EHBP1L1: variants seen among roughly 807,000 people sequenced by gnomAD.
The protein encoded by EHBP1L1 is EH domain-binding protein 1-like protein 1.
A neutral mutation model predicts 151.1 loss-of-function variants in EHBP1L1; 122 were observed. That is an observed-to-expected ratio of 0.81 (90% CI 0.70 to 0.94). EHBP1L1 has a LOEUF of 0.94. Ranked by LOEUF, EHBP1L1 falls within the 40% of genes least tolerant of loss-of-function variation. EHBP1L1 has a pLI of 0.00. For synonymous variants in EHBP1L1, 878 were observed against 810.1 expected, an observed-to-expected ratio of 1.08 and a Z score of -1.42; for missense variants, 1,941 against 1,959.8, an observed-to-expected ratio of 0.99 and a Z score of 0.18.
chr11:65,588,589 C>T (rs866220118), intron 12 of EHBP1L1, among the ~76,000 whole-genome samples: 6 of 152,160 alleles, frequency 3.9e-5, no homozygotes, highest in African/African-American at 7.2e-5. Context: ...GGAGTGGACA[C>T]GGGCAGGTCA....
chr11:65,581,489 G>C (rs1857607558), intron 8 of EHBP1L1, 50 bp from the exon 9 acceptor site: 1 of 1,424,958 alleles, frequency 7.0e-7, no homozygotes, highest in Non-Finnish European at 9.3e-7. Flanking sequence ...ATGGTGCTGA[G>C]AGTTGGGGCC....
Position 65,582,074 on chromosome 11 carries a change from G to T in EHBP1L1, c.1402G>T (p.Val468Phe), listed in dbSNP as rs753417724. 6.2e-7 allele frequency: 1 copy of T among 1,611,886 alleles called. No individual in the cohort carries two copies. The highest frequency in any genetic ancestry group is 8.5e-7 in the Non-Finnish European group (1 of 1,179,200). Residue 468 changes from valine to phenylalanine, a missense_variant, in exon 9 of 19, where the codon GTC (valine) becomes TTC (phenylalanine). Transcript: ENST00000309295. ...AAGGGGCTCTCAGGGGAGGCTGGGA[G>T]TCAGGACCAGGGATGAGGCTCCCTC... is the stretch of plus-strand genomic sequence containing the variant. The part of the protein sequence containing the change: ...PPRGSQGRLG[V>F]RTRDEAPSGL...
intron 16 of EHBP1L1, 177 bp from the exon 17 acceptor site, chr11:65,591,623 G>A (rs747139927): frequency 4.7e-6 from 3 of 644,868 alleles, no homozygotes; most frequent in Admixed American, 2.4e-5. Context: ...GAAAACAGAA[G>A]AAAAGCGATA....
At chr11:65,577,515 C>T (rs890016180) in intron 1 of EHBP1L1, among the ~76,000 whole-genome samples, 13 of 152,182 alleles carry the variant, frequency 8.5e-5, no homozygotes, top group Admixed American at 6.5e-5. Flanking sequence ...CTGAGGGTGC[C>T]GGCAGTGTCA....
In EHBP1L1 at chr11:65,580,249, G is replaced by A. The variant is rs1238121953; in HGVS notation, c.481G>A (p.Gly161Ser). Residue 161 changes from glycine (G) to serine (S), a missense_variant, in exon 5 of 19, where the codon GGC becomes AGC. Gly to Ser is a moderately conservative substitution (Grantham distance 56). Coordinates refer to ENST00000309295, the MANE Select transcript of EHBP1L1 (RefSeq NM_001099409.3). ...TCTTTCCGGGGTGCTGCTGCGGGAG[G>A]GCCGTGCCACGTGAGTGCCTACCTG... ...LTLSGVLLRE[G>S]RATDDDMQSL... 6.2e-7 allele frequency: 1 copy of A among 1,613,462 alleles called. No homozygotes were observed. The highest frequency in any genetic ancestry group is 8.5e-7 in the Non-Finnish European group (1 of 1,179,756).
In EHBP1L1 at chr11:65,583,750, G is replaced by A. The variant is rs1267101122; in HGVS notation, c.3078G>A (p.Arg1026=). 5 of 1,496,640 alleles carry A rather than the reference G, an allele frequency of 3.3e-6. No individual in the cohort carries two copies. The East Asian group carries it at 1.2e-4, about 37-fold the overall frequency. The allele number at this position is 1,496,640 out of a possible 1,614,324, so 92.7% of individuals were successfully genotyped here. ...CAGAGAAGGCTGAAGAGGACAGGAG[G>A]CTGCCGGGCAGCCAGGTAGGGATGG... ...SSPEKAEEDR[R]LPGSQAPPAL... is the part of the protein sequence containing the mutation. Residue 1026 remains arginine (R), a synonymous_variant, in exon 9 of 19, where the codon AGG becomes AGA. Coordinates refer to ENST00000309295, the MANE Select transcript of EHBP1L1 (RefSeq NM_001099409.3).
At chr11:65,586,820 C>T (rs1313798662) in intron 12 of EHBP1L1, among the ~76,000 whole-genome samples, 3 of 152,276 alleles carry the variant, frequency 2.0e-5, no homozygotes, top group Non-Finnish European at 4.4e-5. Flanking sequence ...TAATGTGTGT[C>T]AGTGGCTCTT....
intron 1 of EHBP1L1, among the ~76,000 whole-genome samples, chr11:65,576,645 G>C (rs1012537401): frequency 6.6e-6 from 1 of 152,214 alleles, no homozygotes; most frequent in Non-Finnish European, 1.5e-5. Context: ...TCAGGCCTGA[G>C]GTTCTGCCTG....
intron 1 of EHBP1L1, 75 bp downstream of exon 1, chr11:65,576,481 T>A: frequency 7.3e-7 from 1 of 1,364,930 alleles, no homozygotes; most frequent in East Asian, 2.8e-5. Context: ...CTGAGAGGAC[T>A]CTGCCCCCCC....
intron 15 of EHBP1L1, 86 bp from the exon 16 acceptor site, chr11:65,590,407 G>A: frequency 6.5e-7 from 1 of 1,534,948 alleles, no homozygotes. Context: ...TGTCACAAGG[G>A]AGCAAACCCC....
Position 65,585,166 on chromosome 11 carries a change from C to G in EHBP1L1, c.3508C>G (p.Pro1170Ala). The G allele has an allele frequency of 7.4e-7, 1 of 1,348,886 alleles. No homozygotes were observed. Among genetic ancestry groups the G allele is most frequent in the East Asian group, 3.2e-5 (1 of 30,814 alleles). The allele number at this position is 1,348,886 out of a possible 1,614,324, so 83.6% of individuals were successfully genotyped here. The change falls in exon 12 of 19, where the codon CCC becomes GCC. Residue 1170 changes from proline (P) to alanine (A), a missense_variant. Coordinates refer to ENST00000309295, the MANE Select transcript of EHBP1L1 (RefSeq NM_001099409.3). This position sits in a 1 kb window ranked among gnomAD's most constrained non-coding sequence, Gnocchi z 4.0. ...CGTGGGCAGCGCCCAGCCCAGCCCG[C>G]CCGACGACCTGGACGCCGGAGGCCT... ...YRVGSAQPSP[P>A]DDLDAGGLAQ...
intron 3 of EHBP1L1, among the ~76,000 whole-genome samples, 186 bp downstream of exon 3, chr11:65,579,622 C>T (rs1346962491): frequency 6.6e-6 from 1 of 151,952 alleles, no homozygotes; most frequent in Non-Finnish European, 1.5e-5. Flanking sequence ...CAGCATTTAC[C>T]CAACACATGC....
chr11:65,579,565 G>C, intron 3 of EHBP1L1, 129 bp downstream of exon 3: 5 of 721,100 alleles, frequency 6.9e-6, no homozygotes, highest in Non-Finnish European at 1.1e-5. Flanking sequence ...CAAGAATTAG[G>C]GGGGCCTGCT....
intron 16 of EHBP1L1, 102 bp downstream of exon 16, chr11:65,590,694 G>A (rs758672295): frequency 5.2e-5 from 54 of 1,040,248 alleles, no homozygotes; most frequent in Non-Finnish European, 7.4e-5. Flanking sequence ...TTTGACAAAC[G>A]ATTCCTCTTC....
chr11:65,582,217 A>C lies in EHBP1L1; in HGVS notation c.1545A>C (p.Ala515=), dbSNP rs1482768115. The C allele has an allele frequency of 6.5e-7, 1 of 1,532,330 alleles. No homozygotes were observed. The highest frequency in any genetic ancestry group is 1.4e-5 in the African/African-American group (1 of 72,026). The allele number at this position is 1,532,330 out of a possible 1,614,324, so 94.9% of individuals were successfully genotyped here. A position where few individuals can be genotyped will look rare whatever the true frequency, so the allele number is the denominator to read the frequency against. ...EREGAEVRGG[A]PGIEGTGLEQ... is the part of the protein sequence containing the mutation. ...AGGGTGCAGAAGTGAGGGGTGGAGC[A>C]CCTGGTATTGAGGGGACAGGCCTGG... Residue 515 remains alanine, a synonymous_variant, in exon 9 of 19, where the codon GCA becomes GCC. Coordinates refer to ENST00000309295, the MANE Select transcript of EHBP1L1 (RefSeq NM_001099409.3).
In EHBP1L1 at chr11:65,581,762, G is replaced by A. The variant is rs765117889; in HGVS notation, c.1090G>A (p.Asp364Asn). The A allele has an allele frequency of 3.5e-5, 57 of 1,611,276 alleles. No homozygotes were observed. The highest frequency in any genetic ancestry group is 4.8e-5 in the Non-Finnish European group (56 of 1,178,766). ...HGARLGPSIE[D>N]KGSGDPFGRQ... The stretch of plus-strand genomic sequence containing the variant: ...AGCTAGGCTGGGCCCGAGCATTGAG[G>A]ATAAAGGTTCTGGAGACCCTTTTGG... Residue 364 changes from aspartate (D) to asparagine (N), a missense_variant, in exon 9 of 19, where the codon GAT (aspartate) becomes AAT (asparagine). Coordinates refer to ENST00000309295, the MANE Select transcript of EHBP1L1 (RefSeq NM_001099409.3).
At chr11:65,579,053 C>T (rs1857457865) in intron 1 of EHBP1L1, 25 bp from the exon 2 acceptor site, 7 of 1,565,394 alleles carry the variant, frequency 4.5e-6, no homozygotes, top group South Asian at 3.5e-5. Context: ...TGCTCCCTTT[C>T]TCCCTCCCCT....
rs1857865581 is a variant in EHBP1L1, at chr11:65,585,008, C to T, written c.3350C>T (p.Ala1117Val). 2.6e-6 allele frequency: 4 copies of T among 1,534,976 alleles called. No individual in the cohort carries two copies. The highest frequency in any genetic ancestry group is 2.7e-5 in the African/African-American group (2 of 72,942). The stretch of plus-strand genomic sequence containing the variant: ...GGCGTGTCGCGGCTGCTGGAGCCCG[C>T]GGACATGGTGCTACTGTCGGTGCCC... ...ALGVSRLLEP[A>V]DMVLLSVPDK... Residue 1117 changes from alanine to valine, a missense_variant, in exon 12 of 19, where the codon GCG (alanine) becomes GTG (valine). Transcript: ENST00000309295. This position sits in a 1 kb window ranked among gnomAD's most constrained non-coding sequence, Gnocchi z 4.0.
At position 65,591,893 on chromosome 11, in the gene EHBP1L1, G is replaced by A. The variant is rs770742209; in HGVS notation, c.4357+20G>A. On this transcript the variant is annotated intron_variant, in intron 17 of 18. Coordinates refer to ENST00000309295, the MANE Select transcript of EHBP1L1 (RefSeq NM_001099409.3). ...TCGAAGGTGGGACATGGGCTCAGGGGCCGGGAGGCAAGACAGAGCCAGGGT... is the reference window on the plus strand; with the variant it reads ...TCGAAGGTGGGACATGGGCTCAGGGACCGGGAGGCAAGACAGAGCCAGGGT... 3.1e-6 allele frequency: 5 copies of A among 1,604,162 alleles called. No individual in the cohort carries two copies. Among genetic ancestry groups the A allele is most frequent in the East Asian group, 2.3e-5 (1 of 44,364 alleles).
Sources: gnomAD v4.1 joint callset for allele counts (sites outside exome capture counted in the v4.1 genomes callset) on GRCh38, gnomAD v4.1.1 for gene constraint, Gnocchi (gnomAD v3.1) non-coding constraint, MANE v1.5 for transcripts, NCBI Gene and HGNC (gene_info 2026-07-23, HGNC 2026-07-21) for gene names.